UGCG: variants seen among roughly 807,000 people sequenced by gnomAD.
UGCG encodes the protein ceramide glucosyltransferase.
A neutral mutation model predicts 49.5 loss-of-function variants in UGCG; 10 were observed. That is an observed-to-expected ratio of 0.20 (90% CI 0.12 to 0.34). The LOEUF is 0.34. UGCG is among the 10% of genes least tolerant of loss of function. UGCG has a pLI of 1.00. For synonymous variants in UGCG, 182 were observed against 158.2 expected, an observed-to-expected ratio of 1.15 and a Z score of -1.13; for missense variants, 312 against 483.7, an observed-to-expected ratio of 0.65 and a Z score of 3.33.
intron 7 of UGCG, 87 bp from the exon 8 acceptor site, chr9:111,932,083 A>G (rs1838436448): frequency 7.1e-7 from 1 of 1,415,108 alleles, no homozygotes; most frequent in South Asian, 1.4e-5. Context: ...TCACAGGGTA[A>G]AAAAATTGAT....
chr9:111,911,722 A>AC (rs1390788137), intron 1 of UGCG, among the ~76,000 whole-genome samples: 1 of 151,438 alleles, frequency 6.6e-6, no homozygotes, highest in Non-Finnish European at 1.5e-5. Context: ...ATATAGTGAG[A>AC]CCCCATCTCC....
Position 111,924,894 on chromosome 9 carries a change from T to C in UGCG, c.445+16T>C. ...GGAATAAGAGGTGAGGTTTTTTTCT[T>C]ATTTATTTTATAAAACTATTAATTT... On this transcript the variant is annotated intron_variant, in intron 4 of 8. Transcript: ENST00000374279. 1 of 1,368,284 alleles carries C rather than the reference T, an allele frequency of 7.3e-7. No homozygotes were observed. Among genetic ancestry groups the C allele is most frequent in the Admixed American group, 2.8e-5 (1 of 35,966 alleles). 84.8% of individuals were successfully genotyped at this position (1,368,284 alleles called of 1,614,324 possible).
chr9:111,913,810 G>A (rs566642166), intron 1 of UGCG, among the ~76,000 whole-genome samples: 39 of 152,212 alleles, frequency 2.6e-4, no homozygotes, highest in African/African-American at 8.7e-4. Context: ...CAGTGAGAAC[G>A]TTGGCCATTT....
chr9:111,928,302 C>A (rs1325975592), intron 5 of UGCG, among the ~76,000 whole-genome samples: 1 of 152,128 alleles, frequency 6.6e-6, no homozygotes, highest in East Asian at 1.9e-4. Flanking sequence ...AACTGAGTAG[C>A]CACTTTAAAA....
intron 2 of UGCG, chr9:111,915,828 A>G: frequency 1.0e-6 from 1 of 983,310 alleles, no homozygotes; most frequent in Non-Finnish European, 1.2e-6. Flanking sequence ...TTAATGCAGC[A>G]CTTATTAAGT....
chr9:111,931,499 T>A, intron 7 of UGCG, 142 bp downstream of exon 7: 1 of 685,752 alleles, frequency 1.5e-6, no homozygotes, highest in Admixed American at 3.1e-5. Context: ...GAGTTTAACG[T>A]CTGTGTTTAA....
Position 111,924,889 on chromosome 9 carries a change from T to G in UGCG, c.445+11T>G. The G allele has an allele frequency of 7.1e-7, 1 of 1,411,996 alleles. No homozygotes were observed. Among genetic ancestry groups the G allele is most frequent in the South Asian group, 1.6e-5 (1 of 62,178 alleles). The allele number at this position is 1,411,996 out of a possible 1,614,324, so 87.5% of individuals were successfully genotyped here. On this transcript the variant is annotated intron_variant, in intron 4 of 8. Transcript: ENST00000374279. ...ATAGTGGAATAAGAGGTGAGGTTTT[T>G]TTCTTATTTATTTTATAAAACTATT...
At chr9:111,917,335 G>T (rs1448628125) in intron 2 of UGCG, among the ~76,000 whole-genome samples, 1 of 152,160 alleles carries the variant, frequency 6.6e-6, no homozygotes, top group Non-Finnish European at 1.5e-5. Context: ...AAATACAATG[G>T]CAAATGTTCC....
chr9:111,908,253 G>C (rs1837925169), intron 1 of UGCG, among the ~76,000 whole-genome samples: 2 of 152,178 alleles, frequency 1.3e-5, no homozygotes, highest in African/African-American at 4.8e-5. Context: ...CCTGTAACAA[G>C]AGTGAATACA....
intron 5 of UGCG, chr9:111,929,255 G>A: frequency 2.8e-6 from 1 of 359,028 alleles, no homozygotes; most frequent in Non-Finnish European, 5.0e-6. Flanking sequence ...ATATATCAAT[G>A]AGTGATATTT....
At chr9:111,932,085 A>C (rs773034260) in intron 7 of UGCG, 85 bp from the exon 8 acceptor site, 2 of 1,426,278 alleles carry the variant, frequency 1.4e-6, no homozygotes, top group Non-Finnish European at 9.5e-7. Flanking sequence ...ACAGGGTAAA[A>C]AAATTGATTA....
intron 2 of UGCG, among the ~76,000 whole-genome samples, chr9:111,921,256 A>G (rs1010090865): frequency 1.3e-5 from 2 of 152,128 alleles, no homozygotes; most frequent in South Asian, 2.1e-4. Context: ...TTGAGTCAAC[A>G]TGAATTTATT....
Position 111,932,840 on chromosome 9 carries a change from G to T in UGCG, c.1028G>T (p.Cys343Phe). 1 of 1,596,652 alleles carries T rather than the reference G, an allele frequency of 6.3e-7. No homozygotes were observed. The highest frequency in any genetic ancestry group is 8.5e-7 in the Non-Finnish European group (1 of 1,170,670). Residue 343 changes from cysteine to phenylalanine, a missense_variant, in exon 9 of 9, where the codon TGT becomes TTT. By Grantham distance (205) the Cys-to-Phe change is radical (BLOSUM62 -2). Transcript: ENST00000374279. Reference protein sequence around the residue: ...QLRGVQGGTLCFSKLDYAVAW... With the variant: ...QLRGVQGGTLFFSKLDYAVAW... ...TTCCATTCCTAGGGTGGCACACTGT[G>T]TTTTTCAAAACTTGATTATGCAGTC...
chr9:111,910,955 CA>C (rs1339175802), intron 1 of UGCG, among the ~76,000 whole-genome samples: 1 of 152,148 alleles, frequency 6.6e-6, no homozygotes, highest in Admixed American at 6.5e-5. Context: ...CCATGTTGAC[CA>C]GGCTGGTCTC....
intron 1 of UGCG, among the ~76,000 whole-genome samples, chr9:111,910,959 C>G (rs898718714): frequency 6.6e-6 from 1 of 152,118 alleles, no homozygotes; most frequent in African/African-American, 2.4e-5. Context: ...GTTGACCAGG[C>G]TGGTCTCAAA....
intron 1 of UGCG, among the ~76,000 whole-genome samples, chr9:111,906,496 C>T (rs1837886137): frequency 6.6e-6 from 1 of 152,160 alleles, no homozygotes; most frequent in African/African-American, 2.4e-5. Context: ...GTGGTACGGA[C>T]TCGGCTCACC....
chr9:111,908,045 A>G (rs1330285484), intron 1 of UGCG, among the ~76,000 whole-genome samples: 1 of 145,938 alleles, frequency 6.9e-6, no homozygotes, highest in Non-Finnish European at 1.5e-5. Context: ...GGTGGGAGAG[A>G]GTAAATCCAG....
At position 111,903,659 on chromosome 9, in the gene UGCG, G is replaced by A. The variant is rs762076775; in HGVS notation, c.98+6346G>A. Among the ~76,000 whole-genome samples the A allele has an allele frequency of 1.5e-4, 23 of 152,122 alleles. 1 individual carries two copies. The highest frequency in any genetic ancestry group is 4.6e-4 in the African/African-American group (19 of 41,498). On this transcript the variant is annotated intron_variant, in intron 1 of 8. Transcript: ENST00000374279. ...TACCCAGGCTGGAGTGCAGTAGTGC[G>A]ATCATGGCTCACCACAGCCTTGACC... is the stretch of plus-strand genomic sequence containing the variant.
Position 111,924,795 on chromosome 9 carries a change from T to C in UGCG, c.362T>C (p.Ile121Thr). The change falls in exon 4 of 9, where the codon ATT (isoleucine) becomes ACT (threonine). Residue 121 changes from isoleucine to threonine, a missense_variant. Around this residue, in one of 4 missense-constraint regions of UGCG, gnomAD observed 64 missense variants for 67.6 expected, o/e 0.95. Coordinates refer to ENST00000374279, the MANE Select transcript of UGCG (RefSeq NM_003358.3). ...RLFIGGKKVG[I>T]NPKINNLMPG... ...TTTTTAGGTGGCAAAAAAGTTGGCA[T>C]TAATCCTAAAATTAATAATTTAATG... is the stretch of plus-strand genomic sequence containing the variant. The C allele has an allele frequency of 6.5e-7, 1 of 1,531,762 alleles. No homozygotes were observed. The highest frequency in any genetic ancestry group is 8.7e-7 in the Non-Finnish European group (1 of 1,146,982). The allele number at this position is 1,531,762 out of a possible 1,614,324, so 94.9% of individuals were successfully genotyped here. A position where few individuals can be genotyped will look rare whatever the true frequency, so the allele number is the denominator to read the frequency against.
Sources: allele counts gnomAD v4.1 joint callset (sites outside exome capture counted in the v4.1 genomes callset), GRCh38; gene constraint gnomAD v4.1.1; regional missense constraint gnomAD v4.1.1; transcripts MANE v1.5; gene names NCBI Gene and HGNC (gene_info 2026-07-23, HGNC 2026-07-21).